The following RNF216 variants were observed in gnomAD, a reference collection of about 807,000 sequenced individuals.
The protein encoded by RNF216 is ring finger protein 216.
A neutral mutation model predicts 110.8 loss-of-function variants in RNF216; 72 were observed. The observed-to-expected ratio is 0.65, with a 90% confidence interval of 0.54 to 0.79. RNF216 has a LOEUF of 0.79. Among genes scored for constraint, RNF216 ranks in the 30% least tolerant of loss-of-function variants. The probability of loss-of-function intolerance (pLI) is 0.00; values close to 1 mark genes in which losing one functional copy is unlikely to be tolerated. For missense variants in RNF216, 1,342 were observed against 1,141.2 expected (o/e 1.18, Z -2.54); for synonymous variants, 495 against 407.5 (o/e 1.21, Z -2.59).
chr7:5,653,040 T>C (rs1788493954), intron 13 of RNF216, among the ~76,000 whole-genome samples: 1 of 152,156 alleles, frequency 6.6e-6, no homozygotes, highest in African/African-American at 2.4e-5. Flanking sequence ...CGTTAATCTC[T>C]GCAAAATCCC....
intron 13 of RNF216, among the ~76,000 whole-genome samples, chr7:5,677,310 T>G (rs574496569): frequency 1.3e-5 from 2 of 152,328 alleles, no homozygotes; most frequent in Admixed American, 6.5e-5. Flanking sequence ...ATGGGTGGTC[T>G]GGGCAATGCC....
At chr7:5,762,191 A>G (rs1418821194) in intron 1 of RNF216, among the ~76,000 whole-genome samples, 1 of 152,236 alleles carries the variant, frequency 6.6e-6, no homozygotes, top group Non-Finnish European at 1.5e-5. Context: ...TATGTAAGTT[A>G]ATACAAAAAT....
intron 14 of RNF216, among the ~76,000 whole-genome samples, chr7:5,643,218 G>C (rs1365098218): frequency 6.6e-6 from 1 of 152,024 alleles, no homozygotes; most frequent in East Asian, 1.9e-4. Flanking sequence ...GTCCACTCAA[G>C]TCCTTTGCTT....
intron 15 of RNF216, among the ~76,000 whole-genome samples, chr7:5,630,869 C>T (rs1483374205): frequency 6.6e-6 from 1 of 152,190 alleles, no homozygotes; most frequent in Non-Finnish European, 1.5e-5. Context: ...AACCCTGGCA[C>T]AGCGAGGTTG....
intron 13 of RNF216, among the ~76,000 whole-genome samples, chr7:5,671,754 G>A (rs527675162): frequency 8.7e-5 from 12 of 138,462 alleles, no homozygotes; most frequent in African/African-American, 2.8e-4. Flanking sequence ...GCAGTGAGCC[G>A]AGATTGTGCC....
At chr7:5,736,601 C>T (rs1481209097) in intron 5 of RNF216, among the ~76,000 whole-genome samples, 2 of 151,650 alleles carry the variant, frequency 1.3e-5, no homozygotes, top group South Asian at 4.2e-4. Flanking sequence ...ATATGAGGAG[C>T]CCCTCTGCCC....
chr7:5,669,932 T>C (rs1202597152), intron 13 of RNF216, among the ~76,000 whole-genome samples: 2 of 140,874 alleles, frequency 1.4e-5, no homozygotes, highest in East Asian at 4.0e-4. Flanking sequence ...TTGGAAATCC[T>C]TTTTTTTTTT....
chr7:5,636,997 G>C (rs765306399), intron 15 of RNF216, among the ~76,000 whole-genome samples: 2 of 152,124 alleles, frequency 1.3e-5, no homozygotes, highest in Non-Finnish European at 2.9e-5. Context: ...GAATAGGCCA[G>C]ACTGTTAACA....
intron 13 of RNF216, among the ~76,000 whole-genome samples, chr7:5,708,625 G>C (rs1272646647): frequency 6.6e-6 from 1 of 152,196 alleles, no homozygotes; most frequent in African/African-American, 2.4e-5. Flanking sequence ...CTAAATCGTA[G>C]GCTAATATAA....
At chr7:5,763,540 G>A (rs754798358) in intron 1 of RNF216, among the ~76,000 whole-genome samples, 7 of 152,036 alleles carry the variant, frequency 4.6e-5, no homozygotes, top group Non-Finnish European at 8.8e-5. Context: ...TGAGGCAGGA[G>A]AATAACTTGA....
At chr7:5,651,790 A>C (rs780266582) in intron 14 of RNF216, among the ~76,000 whole-genome samples, 2 of 152,130 alleles carry the variant, frequency 1.3e-5, no homozygotes, top group Non-Finnish European at 2.9e-5. Flanking sequence ...CTGGGATTAC[A>C]GGCAAGCGCC....
intron 13 of RNF216, among the ~76,000 whole-genome samples, chr7:5,665,526 G>T (rs1280712856): frequency 2.0e-5 from 3 of 152,078 alleles, no homozygotes; most frequent in Non-Finnish European, 4.4e-5. Context: ...AATTGGAATA[G>T]AAGCTTTATA....
chr7:5,701,609 C>G (rs1487090662), intron 13 of RNF216, among the ~76,000 whole-genome samples: 2 of 152,204 alleles, frequency 1.3e-5, no homozygotes, highest in Non-Finnish European at 2.9e-5. Flanking sequence ...TTAGGGAGAT[C>G]AAGTATTCAC....
At chr7:5,699,489 C>A (rs1791831379) in intron 13 of RNF216, among the ~76,000 whole-genome samples, 1 of 152,212 alleles carries the variant, frequency 6.6e-6, no homozygotes, top group Non-Finnish European at 1.5e-5. Context: ...CCTGCTCAAG[C>A]TATTCTTCCC....
At chr7:5,653,831 C>T (rs768439302) in intron 13 of RNF216, among the ~76,000 whole-genome samples, 1 of 152,096 alleles carries the variant, frequency 6.6e-6, no homozygotes. Context: ...CAGATCAACA[C>T]TCCAGACAAT....
intron 15 of RNF216, among the ~76,000 whole-genome samples, chr7:5,626,149 A>G (rs852459): frequency 0.12 from 18,678 of 152,240 alleles, 2,338 homozygotes; most frequent in African/African-American, 0.32. Flanking sequence ...GTCTCTCTCC[A>G]GGGTTAACAC....
At chr7:5,753,611 C>T (rs923946724) in intron 2 of RNF216, among the ~76,000 whole-genome samples, 1 of 152,100 alleles carries the variant, frequency 6.6e-6, no homozygotes, top group African/African-American at 2.4e-5. Context: ...TGAAAACAGG[C>T]CATGTTTGAT....
At chr7:5,704,556 CTG>C (rs961557575) in intron 13 of RNF216, among the ~76,000 whole-genome samples, 4 of 152,350 alleles carry the variant, frequency 2.6e-5, no homozygotes, top group African/African-American at 9.6e-5. Context: ...CCCAAAAGAA[CTG>C]TGTCAATTCT....
intron 7 of RNF216, among the ~76,000 whole-genome samples, chr7:5,728,350 T>TGGGCA (rs2128642074): frequency 6.6e-6 from 1 of 151,912 alleles, no homozygotes; most frequent in African/African-American, 2.4e-5. Flanking sequence ...GAGGCTGAGG[T>TGGGCA]GGGCAGATCA....
Sources: gnomAD v4.1 joint callset for allele counts (sites outside exome capture counted in the v4.1 genomes callset) on GRCh38, gnomAD v4.1.1 for gene constraint, MANE v1.5 for transcripts, NCBI Gene and HGNC (gene_info 2026-07-23, HGNC 2026-07-21) for gene names.